The following NCOA6 variants were observed in gnomAD, a reference collection of about 807,000 sequenced individuals.
The protein encoded by NCOA6 is NRC RAP250.
Under a neutral mutation model 171.4 loss-of-function variants are expected in NCOA6, and 49 were observed. The observed-to-expected ratio is 0.29, with a 90% CI of 0.23 to 0.36. The LOEUF (loss-of-function observed/expected upper bound fraction) is 0.36, where lower values mean the gene tolerates loss of function less well. Among genes scored for constraint, NCOA6 ranks in the 10% least tolerant of loss-of-function variants. The probability of loss-of-function intolerance (pLI) is 1.00; values close to 1 mark genes in which losing one functional copy is unlikely to be tolerated. For synonymous variants in NCOA6, 910 were observed against 927.5 expected, an observed-to-expected ratio of 0.98 and a Z score of 0.34; for missense variants, 2,248 against 2,554.5, an observed-to-expected ratio of 0.88 and a Z score of 2.59.
chr20:34,802,103 C>T (rs1242144695), intron 1 of NCOA6, among the ~76,000 whole-genome samples: 1 of 152,188 alleles, frequency 6.6e-6, no homozygotes, highest in Admixed American at 6.5e-5. Flanking sequence ...AGATGATAGA[C>T]ACAGTGATAA....
intron 12 of NCOA6, among the ~76,000 whole-genome samples, chr20:34,733,800 C>T (rs917889668): frequency 2.3e-5 from 3 of 132,512 alleles, no homozygotes; most frequent in East Asian, 2.2e-4. Context: ...TTCAGTGAAC[C>T]GAGATCATGC....
intron 12 of NCOA6, among the ~76,000 whole-genome samples, chr20:34,734,395 T>C (rs897955648): frequency 6.6e-6 from 1 of 152,046 alleles, no homozygotes; most frequent in Non-Finnish European, 1.5e-5. Context: ...GGTCTCACTC[T>C]GTCTCCCAGG....
intron 5 of NCOA6, among the ~76,000 whole-genome samples, chr20:34,765,331 A>C (rs1237003532): frequency 6.7e-6 from 1 of 150,194 alleles, no homozygotes; most frequent in African/African-American, 2.5e-5. Flanking sequence ...GTGGCATGGG[A>C]GGCTGAGGCA....
Position 34,782,303 on chromosome 20 carries a change from G to A in NCOA6, c.53C>T (p.Ser18Leu), listed in dbSNP as rs768394355. 8 of 1,612,556 alleles carry A rather than the reference G, an allele frequency of 5.0e-6. No individual in the cohort carries two copies. In the East Asian group the frequency reaches 1.6e-4, roughly 32 times the overall value. ...NLEDIYTSLC[S>L]STMEDSEMDF... ...CATCTCTGAGTCTTCCATTGTTGAT[G>A]AACACAAGGAAGTATAGATGTCTTC... is the stretch of plus-strand genomic sequence containing the variant. Residue 18 changes from serine (S) to leucine (L), a missense_variant, in exon 3 of 15, where the codon TCA becomes TTA. Ser to Leu is a moderately radical substitution (Grantham distance 145). Coordinates refer to ENST00000359003, the MANE Select transcript of NCOA6 (RefSeq NM_014071.5).
chr20:34,812,876 C>T (rs1012380329), intron 1 of NCOA6, among the ~76,000 whole-genome samples: 1 of 152,024 alleles, frequency 6.6e-6, no homozygotes, highest in African/African-American at 2.4e-5. Flanking sequence ...AAATTACGGC[C>T]GGTCACAGTG....
chr20:34,790,979 A>G (rs1231063690), intron 2 of NCOA6, among the ~76,000 whole-genome samples: 1 of 152,194 alleles, frequency 6.6e-6, no homozygotes, highest in Non-Finnish European at 1.5e-5. Flanking sequence ...TAGAATAAGT[A>G]AATTCACAGA....
chr20:34,736,729 T>C lies in NCOA6; in HGVS notation c.5923A>G (p.Thr1975Ala). The C allele has an allele frequency of 6.2e-7, 1 of 1,611,680 alleles. No individual in the cohort carries two copies. Among genetic ancestry groups the C allele is most frequent in the Non-Finnish European group, 8.5e-7 (1 of 1,178,682 alleles). ...GAGGCCTGCAGTGCTGTGGTTGAAG[T>C]TTCCTTTGAGACTAAATTCTGCGAC... is the stretch of plus-strand genomic sequence containing the variant. The part of the protein sequence containing the change: ...APSQNLVSKE[T>A]STTALQASVA... The change falls in exon 12 of 15, where the codon ACT (threonine) becomes GCT (alanine). Residue 1975 changes from threonine (T) to alanine (A), a missense_variant. This residue lies in a region of NCOA6 where 884 missense variants were observed against 941.9 expected (regional missense o/e 0.94). Transcript: ENST00000359003.
At chr20:34,772,365 A>G (rs569693620) in intron 4 of NCOA6, among the ~76,000 whole-genome samples, 108 of 152,300 alleles carry the variant, frequency 7.1e-4, no homozygotes, top group Non-Finnish European at 1.3e-3. Context: ...ATGACTATCT[A>G]TAATACATCA....
intron 1 of NCOA6, among the ~76,000 whole-genome samples, chr20:34,822,388 A>T (rs1253686637): frequency 6.6e-6 from 1 of 152,106 alleles, no homozygotes; most frequent in Admixed American, 6.5e-5. Flanking sequence ...TTATTAATAC[A>T]TTCCCTGAAA....
chr20:34,725,041 G>A (rs923807677), intron 14 of NCOA6, among the ~76,000 whole-genome samples: 1 of 152,068 alleles, frequency 6.6e-6, no homozygotes, highest in Non-Finnish European at 1.5e-5. Context: ...TACCTGCCTC[G>A]GCCTCCCAAA....
chr20:34,742,677 G>T lies in NCOA6; in HGVS notation c.3579C>A (p.His1193Gln), dbSNP rs201362806. 3.1e-6 allele frequency: 5 copies of T among 1,614,080 alleles called. No individual in the cohort carries two copies. Among genetic ancestry groups the T allele is most frequent in the Admixed American group, 1.7e-5 (1 of 60,002 alleles). ...QPPVNSLPSS[H>Q]GHHFPNVAAP... ...CAGCCACATTTGGGAAGTGGTGGCC[G>T]TGAGAGCTGGGCAGGGAATTTACAG... The change falls in exon 11 of 15, where the codon CAC becomes CAA. Residue 1193 changes from histidine (H) to glutamine (Q), a missense_variant. His to Gln is a conservative substitution (Grantham distance 24). This residue lies in a region of NCOA6 where 352 missense variants were observed against 419.1 expected (regional missense o/e 0.84). Coordinates refer to ENST00000359003, the MANE Select transcript of NCOA6 (RefSeq NM_014071.5).
At chr20:34,734,420 G>A (rs566489359) in intron 12 of NCOA6, among the ~76,000 whole-genome samples, 4 of 152,160 alleles carry the variant, frequency 2.6e-5, no homozygotes, top group South Asian at 4.1e-4. Flanking sequence ...AGTGCAATGG[G>A]ATCACAGCTC....
chr20:34,818,856 G>A (rs902166581), intron 1 of NCOA6, among the ~76,000 whole-genome samples: 1 of 152,096 alleles, frequency 6.6e-6, no homozygotes, highest in Non-Finnish European at 1.5e-5. Context: ...TTCCTTTCTC[G>A]TCCAACCACT....
intron 1 of NCOA6, among the ~76,000 whole-genome samples, chr20:34,813,158 T>C (rs1190346535): frequency 6.9e-6 from 1 of 144,952 alleles, no homozygotes; most frequent in Non-Finnish European, 1.5e-5. Flanking sequence ...AAACACTGTC[T>C]CAGAAAAAAA....
intron 3 of NCOA6, among the ~76,000 whole-genome samples, chr20:34,780,868 G>A (rs1453920213): frequency 6.8e-6 from 1 of 147,780 alleles, no homozygotes; most frequent in Non-Finnish European, 1.5e-5. Context: ...TGTCCAGGTT[G>A]GTCTTGAACT....
At chr20:34,785,697 C>T (rs1400049097) in intron 2 of NCOA6, among the ~76,000 whole-genome samples, 1 of 151,958 alleles carries the variant, frequency 6.6e-6, no homozygotes, top group African/African-American at 2.4e-5. Flanking sequence ...ATCTAAGAAA[C>T]ATTTTCCAAA....
chr20:34,816,687 A>C (rs1294123561), intron 1 of NCOA6, among the ~76,000 whole-genome samples: 2 of 152,060 alleles, frequency 1.3e-5, no homozygotes, highest in Non-Finnish European at 2.9e-5. Context: ...GGTATGAGCC[A>C]GCTATTTGGG....
chr20:34,781,112 C>T (rs2077504375), intron 3 of NCOA6, among the ~76,000 whole-genome samples: 1 of 152,174 alleles, frequency 6.6e-6, no homozygotes, highest in Non-Finnish European at 1.5e-5. Context: ...ATGTTGATAA[C>T]TACATGAAAA....
At chr20:34,717,995 T>A (rs1284354732) in intron 14 of NCOA6, among the ~76,000 whole-genome samples, 1 of 152,176 alleles carries the variant, frequency 6.6e-6, no homozygotes, top group Non-Finnish European at 1.5e-5. Flanking sequence ...CCTTCCTTGC[T>A]TGTTCCCATT....
Sources: gnomAD v4.1 joint callset for allele counts (sites outside exome capture counted in the v4.1 genomes callset) on GRCh38, gnomAD v4.1.1 for gene constraint, gnomAD v4.1.1 regional missense constraint, MANE v1.5 for transcripts, NCBI Gene and HGNC (gene_info 2026-07-23, HGNC 2026-07-21) for gene names.